Variants in PCDHA12 observed in about 807,000 individuals in gnomAD.
The protein encoded by PCDHA12 is protocadherin alpha-12.
In PCDHA12, 44 loss-of-function variants were observed where a neutral mutation model predicts 60.0. The observed-to-expected ratio is 0.73, with a 90% confidence interval of 0.58 to 0.94. The LOEUF (loss-of-function observed/expected upper bound fraction) is 0.94, where lower values mean the gene tolerates loss of function less well. PCDHA12 is among the 40% of genes least tolerant of loss of function. The probability of loss-of-function intolerance (pLI) is 0.00; values close to 1 mark genes in which losing one functional copy is unlikely to be tolerated. For synonymous variants in PCDHA12, 569 were observed against 553.0 expected, an observed-to-expected ratio of 1.03 and a Z score of -0.40; for missense variants, 1,276 against 1,239.7, an observed-to-expected ratio of 1.03 and a Z score of -0.44.
At chr5:140,882,556 T>C (rs367760301) in intron 1 of PCDHA12, 103 of 1,614,070 alleles carry the variant, frequency 6.4e-5, no homozygotes, top group African/African-American at 9.3e-5. Flanking sequence ...AGGAGCTGTG[T>C]GGGCGGAGCG....
intron 1 of PCDHA12, chr5:140,967,312 A>G (rs1554229425): frequency 5.0e-6 from 8 of 1,611,226 alleles, no homozygotes; most frequent in Admixed American, 1.7e-5. Context: ...CCAACTCAGT[A>G]CAGACCTACG....
At chr5:140,882,871 C>T in intron 1 of PCDHA12, 1 of 1,614,164 alleles carries the variant, frequency 6.2e-7, no homozygotes, top group East Asian at 2.2e-5. Flanking sequence ...AAACACTGGA[C>T]AGAGAGGAAA....
intron 1 of PCDHA12, among the ~76,000 whole-genome samples, chr5:140,931,040 A>G (rs2087258988): frequency 6.6e-6 from 1 of 152,242 alleles, no homozygotes; most frequent in South Asian, 2.1e-4. Flanking sequence ...GCTAGCAAGA[A>G]AAACTTCAAT....
At chr5:140,938,476 T>A (rs1393084209) in intron 1 of PCDHA12, among the ~76,000 whole-genome samples, 2 of 152,194 alleles carry the variant, frequency 1.3e-5, no homozygotes, top group African/African-American at 2.4e-5. Context: ...TTATGTTTTT[T>A]AAAAATCATG....
chr5:140,902,324 C>T (rs1554190388), intron 1 of PCDHA12, among the ~76,000 whole-genome samples: 1 of 151,472 alleles, frequency 6.6e-6, no homozygotes, highest in Non-Finnish European at 1.5e-5. Flanking sequence ...AGGTGTAACT[C>T]ACTTCGCCTG....
chr5:140,968,962 C>T (rs1554231271), intron 1 of PCDHA12: 29 of 1,614,056 alleles, frequency 1.8e-5, no homozygotes, highest in Non-Finnish European at 2.2e-5. Context: ...TCAAGTGCTA[C>T]CGCTACACTG....
At chr5:140,962,280 A>C (rs1244354033) in intron 1 of PCDHA12, among the ~76,000 whole-genome samples, 1 of 152,224 alleles carries the variant, frequency 6.6e-6, no homozygotes, top group Non-Finnish European at 1.5e-5. Flanking sequence ...AAAAAACCTC[A>C]ACCTTTAATA....
intron 1 of PCDHA12, 168 bp from the exon 2 acceptor site, chr5:140,978,781 A>G (rs4461687): frequency 4.1e-6 from 4 of 969,772 alleles, no homozygotes; most frequent in South Asian, 4.8e-5. Context: ...ATTTTCTTCT[A>G]AAGTGCTATA....
rs782408048 is a variant in PCDHA12, at chr5:140,876,807, G to A, written c.1335G>A (p.Val445=). Residue 445 remains valine, a synonymous_variant, in exon 1 of 4, where the codon GTG becomes GTA. Coordinates refer to ENST00000398631, the MANE Select transcript of PCDHA12 (RefSeq NM_018903.4). ...LWATARVSVE[V]ADVNDNAPAF... ...CCACGGCTAGAGTGTCCGTGGAGGT[G>A]GCCGACGTGAACGACAATGCGCCTG... 1 of 1,614,234 alleles carries A rather than the reference G, an allele frequency of 6.2e-7. No homozygotes were observed. The highest frequency in any genetic ancestry group is 1.1e-5 in the South Asian group (1 of 91,090).
At chr5:140,941,375 G>A (rs1441847516) in intron 1 of PCDHA12, among the ~76,000 whole-genome samples, 1 of 134,938 alleles carries the variant, frequency 7.4e-6, no homozygotes, top group Non-Finnish European at 1.5e-5. Context: ...GGAGTGTAGT[G>A]ACAGGATTTT....
At chr5:140,898,870 C>T (rs1477095887) in intron 1 of PCDHA12, among the ~76,000 whole-genome samples, 3 of 151,586 alleles carry the variant, frequency 2.0e-5, no homozygotes, top group South Asian at 4.2e-4. Context: ...TTTCATTGAG[C>T]AGTGGTTTGT....
intron 1 of PCDHA12, among the ~76,000 whole-genome samples, chr5:140,920,824 C>T (rs537294471): frequency 3.4e-5 from 5 of 145,004 alleles, no homozygotes; most frequent in Admixed American, 1.4e-4. Context: ...AGCCTGGCGA[C>T]GGAGCAAGAC....
chr5:140,877,471 G>T lies in PCDHA12; in HGVS notation c.1999G>T (p.Val667Leu), dbSNP rs2057146762. Residue 667 changes from valine (V) to leucine (L), a missense_variant, in exon 1 of 4, where the codon GTG (valine) becomes TTG (leucine). Coordinates refer to ENST00000398631, the MANE Select transcript of PCDHA12 (RefSeq NM_018903.4). ...PALTSTATVL[V>L]SLVENGQAPK... ...GCTGACGTCCACGGCCACGGTGCTG[G>T]TGTCGCTGGTGGAGAACGGCCAGGC... 1 of 1,613,828 alleles carries T rather than the reference G, an allele frequency of 6.2e-7. No homozygotes were observed. Among genetic ancestry groups the T allele is most frequent in the South Asian group, 1.1e-5 (1 of 91,068 alleles).
Position 140,885,836 on chromosome 5 carries a change from C to T in PCDHA12, c.2367+7997C>T, listed in dbSNP as rs186775413. On this transcript the variant is annotated intron_variant, in intron 1 of 3. Transcript: ENST00000398631. ...TGTATTTGATCTTCTTTGATTTATC[C>T]ATTAAGTTATTTGCCTACTTTTCTA... Among the ~76,000 whole-genome samples the T allele has an allele frequency of 3.1e-3, 470 of 152,032 alleles. 3 individuals are homozygous for T. Among genetic ancestry groups the T allele is most frequent in the Middle Eastern group, 0.014 (4 of 294 alleles).
intron 1 of PCDHA12, among the ~76,000 whole-genome samples, chr5:140,956,132 C>G (rs782171826): frequency 2.6e-5 from 4 of 152,028 alleles, no homozygotes; most frequent in Admixed American, 6.6e-5. Context: ...ATTTGAATAC[C>G]CTTTATTTCT....
At chr5:140,899,574 C>T (rs890849786) in intron 1 of PCDHA12, among the ~76,000 whole-genome samples, 2 of 152,112 alleles carry the variant, frequency 1.3e-5, no homozygotes, top group African/African-American at 4.8e-5. Context: ...CTGCTGGATT[C>T]GGTTTGCCAG....
rs1487907484 is a variant in PCDHA12, at chr5:140,877,567, T to C, written c.2095T>C (p.Tyr699His). Reference protein sequence around the residue: ...PEAALVDINVYLIIAICAVSS... With the variant: ...PEAALVDINVHLIIAICAVSS... The stretch of plus-strand genomic sequence containing the variant: ...AGCGGCTCTGGTGGATATTAACGTG[T>C]ACCTCATCATCGCCATCTGTGCGGT... Residue 699 changes from tyrosine to histidine, a missense_variant, in exon 1 of 4, where the codon TAC becomes CAC. Tyr to His is a moderately conservative substitution (Grantham distance 83). Coordinates refer to ENST00000398631, the MANE Select transcript of PCDHA12 (RefSeq NM_018903.4). 1 of 1,613,664 alleles carries C rather than the reference T, an allele frequency of 6.2e-7. No individual in the cohort carries two copies. The highest frequency in any genetic ancestry group is 2.2e-5 in the East Asian group (1 of 44,874).
intron 1 of PCDHA12, among the ~76,000 whole-genome samples, chr5:140,951,706 G>A (rs2094621330): frequency 6.6e-6 from 1 of 152,060 alleles, no homozygotes; most frequent in African/African-American, 2.4e-5. Context: ...CTTTGGGCGG[G>A]GACACAGATC....
At chr5:140,985,577 G>A (rs1265916995) in intron 3 of PCDHA12, among the ~76,000 whole-genome samples, 1 of 152,116 alleles carries the variant, frequency 6.6e-6, no homozygotes, top group Non-Finnish European at 1.5e-5. Flanking sequence ...TGGTGCCTAA[G>A]CCTCCTTATA....
Sources: allele counts gnomAD v4.1 joint callset (sites outside exome capture counted in the v4.1 genomes callset), GRCh38; gene constraint gnomAD v4.1.1; transcripts MANE v1.5; gene names NCBI Gene and HGNC (gene_info 2026-07-23, HGNC 2026-07-21).